Variants in SLC25A27 observed in about 807,000 individuals in gnomAD.
SLC25A27 encodes solute carrier family 25 member 27, also known as mitochondrial uncoupling protein 4.
Under a neutral mutation model 49.1 loss-of-function variants are expected in SLC25A27, and 35 were observed. That is an observed-to-expected ratio of 0.71 (90% CI 0.54 to 0.95). The LOEUF (loss-of-function observed/expected upper bound fraction) is 0.95, where lower values mean the gene tolerates loss of function less well. Among genes scored for constraint, SLC25A27 ranks in the 40% least tolerant of loss-of-function variants. The probability of loss-of-function intolerance (pLI) is 0.00; values close to 1 mark genes in which losing one functional copy is unlikely to be tolerated. For synonymous variants in SLC25A27, 144 were observed against 136.9 expected (o/e 1.05, Z -0.36); for missense variants, 339 against 397.1 (o/e 0.85, Z 1.24).
At chr6:46,674,174 T>C (rs1048353069) in intron 8 of SLC25A27, among the ~76,000 whole-genome samples, 4 of 151,896 alleles carry the variant, frequency 2.6e-5, no homozygotes, top group Non-Finnish European at 4.4e-5. Flanking sequence ...TTTATACATA[T>C]GACTCAGGAA....
intron 3 of SLC25A27, among the ~76,000 whole-genome samples, chr6:46,659,254 A>G (rs1763084257): frequency 6.6e-6 from 1 of 152,214 alleles, no homozygotes; most frequent in Non-Finnish European, 1.5e-5. Flanking sequence ...ATATAGAGAT[A>G]TTTAGTATTT....
chr6:46,661,891 G>A (rs139923845), intron 3 of SLC25A27, among the ~76,000 whole-genome samples: 2 of 152,278 alleles, frequency 1.3e-5, no homozygotes, highest in East Asian at 3.9e-4. Flanking sequence ...AGGGGAGCTG[G>A]ACATAGAGGT....
intron 8 of SLC25A27, among the ~76,000 whole-genome samples, chr6:46,675,136 T>TC (rs1435067495): frequency 6.6e-6 from 1 of 152,122 alleles, no homozygotes; most frequent in East Asian, 1.9e-4. Flanking sequence ...CTATTCAAAA[T>TC]CTAGCTAAAC....
chr6:46,664,987 T>A (rs1763277456), intron 5 of SLC25A27, 101 bp downstream of exon 5: 2 of 544,152 alleles, frequency 3.7e-6, no homozygotes, highest in Admixed American at 7.3e-5. Context: ...TTTTAATATA[T>A]TGGTGACCAT....
At chr6:46,671,270 T>C (rs752843220) in intron 8 of SLC25A27, 42 bp downstream of exon 8, 2 of 1,148,578 alleles carry the variant, frequency 1.7e-6, no homozygotes, top group Admixed American at 4.9e-5. Context: ...TCTTTGTACT[T>C]AAATTACTTT....
At position 46,665,457 on chromosome 6, in the gene SLC25A27, G is replaced by A. The variant is rs561805120; in HGVS notation, c.619+571G>A. Among the ~76,000 whole-genome samples the A allele has an allele frequency of 5.9e-4, 90 of 152,090 alleles. No individual in the cohort carries two copies. In the South Asian group the frequency reaches 0.01, roughly 18 times the overall value. ...TCCCAGGACTTTGGGAGGCCGAGGC[G>A]GGCGGATCACGAGCTCAGGAGATCG... is the stretch of plus-strand genomic sequence containing the variant. On this transcript the variant is annotated intron_variant, in intron 5 of 8. Transcript: ENST00000371347.
At chr6:46,655,413 A>G (rs1762938620) in intron 1 of SLC25A27, among the ~76,000 whole-genome samples, 1 of 152,184 alleles carries the variant, frequency 6.6e-6, no homozygotes, top group South Asian at 2.1e-4. Flanking sequence ...ATAGCACACA[A>G]TATGGTACTT....
intron 6 of SLC25A27, 31 bp downstream of exon 6, chr6:46,668,824 T>C: frequency 7.6e-7 from 1 of 1,314,348 alleles, no homozygotes. Context: ...ACTCTGTTTT[T>C]TTTTTTTGTA....
intron 1 of SLC25A27, 93 bp downstream of exon 1, chr6:46,653,391 A>T (rs1221029457): frequency 6.8e-7 from 1 of 1,464,944 alleles, no homozygotes; most frequent in East Asian, 2.5e-5. Context: ...GGCAGTGCGC[A>T]TCGGAGAGGT....
chr6:46,667,345 C>T lies in SLC25A27; in HGVS notation c.620-1364C>T, dbSNP rs76020670. ...ATCATCGCTTACTGGGATTACTGCT[C>T]TGCCTTGTTTTCCTGTAGTCTACTC... On this transcript the variant is annotated intron_variant, in intron 5 of 8. Coordinates refer to ENST00000371347, the MANE Select transcript of SLC25A27 (RefSeq NM_004277.5). 7.0e-3 allele frequency among the ~76,000 whole-genome samples: 1,067 copies of T among 152,280 alleles called. 14 individuals are homozygous for T. Among genetic ancestry groups the T allele is most frequent in the African/African-American group, 0.024 (1,017 of 41,554 alleles).
chr6:46,665,690 GA>G (rs576355891), intron 5 of SLC25A27, among the ~76,000 whole-genome samples: 79 of 149,032 alleles, frequency 5.3e-4, no homozygotes, highest in Non-Finnish European at 8.8e-4. Context: ...CATCTCAAAA[GA>G]AAAAAAAAGA....
intron 5 of SLC25A27, among the ~76,000 whole-genome samples, chr6:46,665,696 A>T (rs906209308): frequency 5.3e-5 from 8 of 151,928 alleles, no homozygotes; most frequent in Non-Finnish European, 8.8e-5. Flanking sequence ...AAAAGAAAAA[A>T]AAAGAAGTTT....
chr6:46,654,691 G>A (rs1453008845), intron 1 of SLC25A27, among the ~76,000 whole-genome samples: 5 of 152,156 alleles, frequency 3.3e-5, no homozygotes, highest in African/African-American at 1.2e-4. Context: ...CATAATCTGT[G>A]TAATATGGAG....
intron 5 of SLC25A27, among the ~76,000 whole-genome samples, chr6:46,667,427 A>G (rs1301701067): frequency 6.6e-6 from 1 of 152,206 alleles, no homozygotes; most frequent in Non-Finnish European, 1.5e-5. Flanking sequence ...AGTTCTATTA[A>G]GTTCTAAATA....
intron 6 of SLC25A27, 45 bp downstream of exon 6, chr6:46,668,838 CT>C: frequency 9.4e-7 from 1 of 1,068,238 alleles, no homozygotes; most frequent in Non-Finnish European, 1.4e-6. Context: ...TTTTGTATCA[CT>C]TTTTCTTCCA....
intron 7 of SLC25A27, 55 bp downstream of exon 7, chr6:46,670,282 T>C (rs1397368446): frequency 9.1e-7 from 1 of 1,094,572 alleles, no homozygotes; most frequent in Non-Finnish European, 1.4e-6. Flanking sequence ...TACCTTTGTG[T>C]TTTAAAGATG....
chr6:46,675,627 T>G (rs1360690492), intron 8 of SLC25A27, among the ~76,000 whole-genome samples: 1 of 152,214 alleles, frequency 6.6e-6, no homozygotes, highest in African/African-American at 2.4e-5. Flanking sequence ...CAATTTTGAT[T>G]AGAACTGAAT....
intron 1 of SLC25A27, chr6:46,653,727 G>C: frequency 1.0e-6 from 1 of 985,190 alleles, no homozygotes; most frequent in South Asian, 4.7e-5. Flanking sequence ...CTACCTTGTG[G>C]GACTTCCGTT....
chr6:46,653,136 G>C lies in SLC25A27; in HGVS notation c.-57G>C, dbSNP rs1453026962. 1 of 1,514,846 alleles carries C rather than the reference G, an allele frequency of 6.6e-7. No individual in the cohort carries two copies. Among genetic ancestry groups the C allele is most frequent in the Non-Finnish European group, 9.1e-7 (1 of 1,100,000 alleles). 93.8% of individuals were successfully genotyped at this position (1,514,846 alleles called of 1,614,324 possible). A position where few individuals can be genotyped will look rare whatever the true frequency, so the allele number is the denominator to read the frequency against. ...GCCCTGGCAGGGAAGCGGCCGCCGC[G>C]GCGCGGTGCAGCGCAGCGGCGAGAA... On this transcript the variant is annotated 5_prime_UTR_variant, in exon 1 of 9. Transcript: ENST00000371347.
Sources: gnomAD v4.1 joint callset for allele counts (sites outside exome capture counted in the v4.1 genomes callset) on GRCh38, gnomAD v4.1.1 for gene constraint, MANE v1.5 for transcripts, NCBI Gene and HGNC (gene_info 2026-07-23, HGNC 2026-07-21) for gene names.